CACNA1E: variants seen among roughly 807,000 people sequenced by gnomAD.
The protein encoded by CACNA1E is calcium voltage-gated channel subunit alpha1 E, also known as voltage-dependent R-type calcium channel subunit alpha-1E.
A neutral mutation model predicts 259.2 loss-of-function variants in CACNA1E; 40 were observed. That is an observed-to-expected ratio of 0.15 (90% CI 0.12 to 0.20). The LOEUF is 0.20. Among genes scored for constraint, CACNA1E ranks in the 10% least tolerant of loss-of-function variants. The pLI is 1.00. For missense variants in CACNA1E, 1,874 were observed against 3,040.1 expected, an observed-to-expected ratio of 0.62 and a Z score of 9.02; for synonymous variants, 1,104 against 1,138.5, an observed-to-expected ratio of 0.97 and a Z score of 0.61.
chr1:181,331,800 G>C (rs1158881175), intron 1 of CACNA1E, among the ~76,000 whole-genome samples: 1 of 152,114 alleles, frequency 6.6e-6, no homozygotes, highest in Admixed American at 6.5e-5. Flanking sequence ...TCTGCATGTG[G>C]CTAGCCAGTT....
At chr1:181,652,022 C>T (rs1160631540) in intron 7 of CACNA1E, 3 of 152,414 alleles carry the variant, frequency 2.0e-5, no homozygotes, top group African/African-American at 7.2e-5. Flanking sequence ...CTGACTTATA[C>T]AAGGTATAAT....
intron 1 of CACNA1E, among the ~76,000 whole-genome samples, chr1:181,360,059 C>T (rs147574987): frequency 3.0e-4 from 45 of 152,290 alleles, no homozygotes; most frequent in African/African-American, 1.1e-3. Flanking sequence ...GCACGGGAAT[C>T]ATAAGGGTTT....
At chr1:181,477,497 T>C (rs2102437062) in intron 2 of CACNA1E, among the ~76,000 whole-genome samples, 1 of 152,328 alleles carries the variant, frequency 6.6e-6, no homozygotes, top group East Asian at 1.9e-4. Flanking sequence ...GTTAAATGGG[T>C]TTATGAATTC....
intron 1 of CACNA1E, among the ~76,000 whole-genome samples, chr1:181,390,995 A>T (rs1484190214): frequency 8.5e-5 from 13 of 152,186 alleles, no homozygotes; most frequent in Non-Finnish European, 1.6e-4. Flanking sequence ...CCAGTTACTT[A>T]AGCCAAAAAT....
At chr1:181,744,533 G>A (rs745739156) in intron 25 of CACNA1E, among the ~76,000 whole-genome samples, 3 of 152,288 alleles carry the variant, frequency 2.0e-5, no homozygotes, top group Admixed American at 6.5e-5. Context: ...ACACACTCAC[G>A]CTCAGCACAG....
chr1:181,609,193 C>A (rs1334784719), intron 6 of CACNA1E, among the ~76,000 whole-genome samples: 1 of 152,214 alleles, frequency 6.6e-6, no homozygotes, highest in East Asian at 1.9e-4. Context: ...AAAGGTCCAT[C>A]AGGATCACGT....
At chr1:181,426,344 C>T (rs892709825) in intron 2 of CACNA1E, among the ~76,000 whole-genome samples, 1 of 152,026 alleles carries the variant, frequency 6.6e-6, no homozygotes, top group Non-Finnish European at 1.5e-5. Flanking sequence ...CATCTGAACC[C>T]TTCCCTAACT....
At chr1:181,334,610 C>T (rs1248451681) in intron 1 of CACNA1E, among the ~76,000 whole-genome samples, 1 of 152,244 alleles carries the variant, frequency 6.6e-6, no homozygotes, top group Non-Finnish European at 1.5e-5. Flanking sequence ...ACCTCTCTTT[C>T]ACTCCCCACA....
intron 46 of CACNA1E, among the ~76,000 whole-genome samples, chr1:181,795,510 G>A (rs1661712180): frequency 6.7e-6 from 1 of 150,022 alleles, no homozygotes; most frequent in Non-Finnish European, 1.5e-5. Context: ...GTGTGATCTC[G>A]GCTCACTGCA....
intron 6 of CACNA1E, among the ~76,000 whole-genome samples, chr1:181,630,395 C>CCCT (rs1380123858): frequency 6.6e-6 from 1 of 151,362 alleles, no homozygotes; most frequent in Non-Finnish European, 1.5e-5. Context: ...CCCCCCCACC[C>CCCT]CGCCTTAAAA....
chr1:181,642,493 A>T (rs960086265), intron 6 of CACNA1E, among the ~76,000 whole-genome samples: 1 of 152,172 alleles, frequency 6.6e-6, no homozygotes, highest in Non-Finnish European at 1.5e-5. Context: ...ACTGCACAAA[A>T]CGTTCACAAT....
At chr1:181,716,272 G>T in intron 10 of CACNA1E, 143 bp downstream of exon 10, 1 of 369,782 alleles carries the variant, frequency 2.7e-6, no homozygotes. Context: ...GGTGGAAATC[G>T]AATCTAGATT....
chr1:181,745,174 A>C (rs1360416788), intron 25 of CACNA1E, among the ~76,000 whole-genome samples: 1 of 151,974 alleles, frequency 6.6e-6, no homozygotes, highest in Non-Finnish European at 1.5e-5. Context: ...CAGTCTACCT[A>C]CTCTTGGCAT....
intron 35 of CACNA1E, 86 bp from the exon 36 acceptor site, chr1:181,771,207 T>A: frequency 1.4e-6 from 1 of 707,016 alleles, no homozygotes; most frequent in Non-Finnish European, 2.5e-6. Flanking sequence ...GGAAGAGCCA[T>A]GCAAGTGGCT....
intron 1 of CACNA1E, among the ~76,000 whole-genome samples, chr1:181,496,950 G>A (rs1664807183): frequency 6.6e-6 from 1 of 152,174 alleles, no homozygotes; most frequent in South Asian, 2.1e-4. Flanking sequence ...AAGGGTGTGG[G>A]CTTGTCTGGA....
chr1:181,348,417 A>G (rs192348276), intron 1 of CACNA1E, among the ~76,000 whole-genome samples: 2 of 152,094 alleles, frequency 1.3e-5, no homozygotes, highest in African/African-American at 2.4e-5. Flanking sequence ...CCCATTTCAC[A>G]GTCAAAGAAA....
intron 1 of CACNA1E, among the ~76,000 whole-genome samples, chr1:181,499,162 T>C (rs1371799650): frequency 1.3e-5 from 2 of 152,140 alleles, no homozygotes; most frequent in East Asian, 3.9e-4. Flanking sequence ...TCTCAGCAGA[T>C]GGGAGAATAG....
intron 3 of CACNA1E, among the ~76,000 whole-genome samples, chr1:181,574,105 A>G (rs1343109650): frequency 6.6e-6 from 1 of 152,140 alleles, no homozygotes; most frequent in African/African-American, 2.4e-5. Flanking sequence ...GGAGGGGAAC[A>G]ACACACACTG....
At position 181,748,344 on chromosome 1, in the gene CACNA1E, A is replaced by G. The variant is rs1208717709; in HGVS notation, c.3720-2132A>G. Among the ~76,000 whole-genome samples, 5 of 152,228 alleles carry G rather than the reference A, an allele frequency of 3.3e-5. No homozygotes were observed. In the South Asian group the frequency reaches 1.0e-3, roughly 32 times the overall value. ...CTTATATGGTATATGTGGTAATACAATGAATTATACCATGATGCTTTACTA... is the reference window on the plus strand; with the variant it reads ...CTTATATGGTATATGTGGTAATACAGTGAATTATACCATGATGCTTTACTA... On this transcript the variant is annotated intron_variant, in intron 25 of 47. Transcript: ENST00000367573.
Sources: gnomAD v4.1 joint callset for allele counts (sites outside exome capture counted in the v4.1 genomes callset) on GRCh38, gnomAD v4.1.1 for gene constraint, MANE v1.5 for transcripts, NCBI Gene and HGNC (gene_info 2026-07-23, HGNC 2026-07-21) for gene names.